Variants in ANKRD36C observed in about 807,000 individuals in gnomAD.
The protein encoded by ANKRD36C is ankyrin repeat domain 36C, also known as ankyrin repeat domain-containing protein 36C.
In ANKRD36C, 61 loss-of-function variants were observed where a neutral mutation model predicts 276.4. That is an observed-to-expected ratio of 0.22 (90% CI 0.18 to 0.27). ANKRD36C has a LOEUF of 0.27. Ranked by LOEUF, ANKRD36C falls within the 10% of genes least tolerant of loss-of-function variation. The pLI is 1.00. For synonymous variants in ANKRD36C, 483 were observed against 680.1 expected, an observed-to-expected ratio of 0.71 and a Z score of 4.51; for missense variants, 1,447 against 2,032.3, an observed-to-expected ratio of 0.71 and a Z score of 5.54.
intron 59 of ANKRD36C, among the ~76,000 whole-genome samples, chr2:95,874,609 A>G: frequency 6.6e-6 from 1 of 152,262 alleles, no homozygotes; most frequent in East Asian, 1.9e-4. Context: ...CATTCAGGAC[A>G]TAGGCATGGG....
intron 33 of ANKRD36C, 42 bp downstream of exon 33, chr2:95,921,740 T>A: frequency 6.3e-7 from 1 of 1,595,488 alleles, no homozygotes; most frequent in Non-Finnish European, 8.5e-7. Flanking sequence ...TTTCATAGAC[T>A]ATAGATTCAC....
intron 46 of ANKRD36C, 80 bp downstream of exon 66, chr2:95,891,585 C>G (rs1471562102): frequency 3.4e-6 from 5 of 1,467,070 alleles, no homozygotes; most frequent in Non-Finnish European, 1.8e-6. Flanking sequence ...CTTCAACGAA[C>G]CCCCCGCTGA....
At chr2:95,941,007 ATTATAG>A (rs1372401505) in intron 20 of ANKRD36C, among the ~76,000 whole-genome samples, 147 bp downstream of exon 20, 1 of 149,504 alleles carries the variant, frequency 6.7e-6, no homozygotes, top group African/African-American at 2.4e-5. Context: ...TTTATTTTAA[ATTATAG>A]TTATATTTAT....
At chr2:95,929,336 T>C (rs1677502748) in intron 24 of ANKRD36C, 69 bp from the exon 25 acceptor site, 1 of 1,555,802 alleles carries the variant, frequency 6.4e-7, no homozygotes. Flanking sequence ...CATTAATGCA[T>C]GGATAGCATG....
intron 1 of ANKRD36C, among the ~76,000 whole-genome samples, chr2:95,987,778 C>G (rs1227556026): frequency 6.6e-6 from 1 of 151,938 alleles, no homozygotes; most frequent in Non-Finnish European, 1.5e-5. Context: ...CCCGCTACCG[C>G]GCCCGGCTAA....
At chr2:95,889,705 G>A (rs1676288079) in intron 48 of ANKRD36C, 94 bp downstream of exon 68, 1 of 1,452,062 alleles carries the variant, frequency 6.9e-7, no homozygotes, top group East Asian at 2.5e-5. Flanking sequence ...ATCAGAACAT[G>A]AAGATTTGAC....
chr2:95,887,458 A>AC (rs926446475), intron 50 of ANKRD36C, among the ~76,000 whole-genome samples: 1 of 151,252 alleles, frequency 6.6e-6, no homozygotes, highest in African/African-American at 2.4e-5. Flanking sequence ...TTCCTGCCTC[A>AC]CAATCCCTCT....
intron 40 of ANKRD36C, 24 bp downstream of exon 42, chr2:95,914,084 C>T (rs1369813836): frequency 6.5e-7 from 1 of 1,540,898 alleles, no homozygotes; most frequent in Non-Finnish European, 8.8e-7. Flanking sequence ...CTGATCATGA[C>T]ATTAAATCTC....
intron 6 of ANKRD36C, among the ~76,000 whole-genome samples, chr2:95,972,192 C>T (rs1435807385): frequency 6.6e-6 from 1 of 152,138 alleles, no homozygotes; most frequent in Non-Finnish European, 1.5e-5. Context: ...GTCACCATTT[C>T]CTGAGAAAAG....
intron 6 of ANKRD36C, among the ~76,000 whole-genome samples, chr2:95,970,573 C>A (rs553364552): frequency 5.1e-4 from 77 of 152,238 alleles, no homozygotes; most frequent in African/African-American, 1.8e-3. Context: ...AAAACAACAA[C>A]AACAACAACA....
exon 63 of ANKRD36C, chr2:95,855,708 G>A (rs1181317790): frequency 6.2e-7 from 1 of 1,612,744 alleles, no homozygotes. Context: ...CTCAGCTTTA[G>A]AAAGTTGCAG....
intron 36 of ANKRD36C, among the ~76,000 whole-genome samples, chr2:95,916,429 C>T (rs1677099358): frequency 6.6e-6 from 1 of 151,514 alleles, no homozygotes; most frequent in Admixed American, 6.6e-5. Flanking sequence ...AAAACCGTGT[C>T]AATATCAAGG....
chr2:95,911,855 G>T (rs1467102608), intron 42 of ANKRD36C, among the ~76,000 whole-genome samples: 1 of 151,420 alleles, frequency 6.6e-6, no homozygotes, highest in Non-Finnish European at 1.5e-5. Context: ...AGTGTCTATG[G>T]GTTATTATGA....
At chr2:95,884,502 T>C (rs1244197327) in intron 52 of ANKRD36C, 134 bp from the exon 73 acceptor site, 16 of 1,464,024 alleles carry the variant, frequency 1.1e-5, no homozygotes, top group Admixed American at 1.8e-5. Context: ...CTACTTTGTG[T>C]CTGGGGATTG....
intron 13 of ANKRD36C, among the ~76,000 whole-genome samples, chr2:95,956,526 T>C (rs62154619): frequency 0.048 from 3,247 of 67,840 alleles, no homozygotes; most frequent in African/African-American, 0.083. Flanking sequence ...AGGATGATGG[T>C]CAAATCATGG....
chr2:95,953,549 T>G (rs1359400025), intron 14 of ANKRD36C, among the ~76,000 whole-genome samples: 4 of 152,130 alleles, frequency 2.6e-5, no homozygotes, highest in Non-Finnish European at 5.9e-5. Flanking sequence ...ATCTGATGTA[T>G]TAAAGATTCA....
At chr2:95,956,946 T>C in intron 12 of ANKRD36C, 130 bp from the exon 13 acceptor site, 1 of 836,644 alleles carries the variant, frequency 1.2e-6, no homozygotes, top group Non-Finnish European at 1.8e-6. Flanking sequence ...GAAATATCAC[T>C]TGAGAAGCCC....
chr2:95,948,502 A>G, intron 17 of ANKRD36C, 28 bp downstream of exon 17: 1 of 1,520,668 alleles, frequency 6.6e-7, no homozygotes, highest in Non-Finnish European at 8.8e-7. Context: ...CGGAGTGAGA[A>G]AATTAATTTC....
At chr2:95,856,014 T>G in exon 63 of ANKRD36C, 2 of 1,612,112 alleles carry the variant, frequency 1.2e-6, no homozygotes, top group Non-Finnish European at 8.5e-7. Flanking sequence ...TTTTAGAGCC[T>G]TTTGAAGGTC....
Sources: allele counts gnomAD v4.1 joint callset (sites outside exome capture counted in the v4.1 genomes callset), GRCh38; gene constraint gnomAD v4.1.1; transcripts MANE v1.5; gene names NCBI Gene and HGNC (gene_info 2026-07-23, HGNC 2026-07-21).